Variants in TOP3A observed in about 807,000 individuals in gnomAD.
TOP3A encodes DNA topoisomerase III alpha.
TOP3A carries 64 observed loss-of-function variants against 111.3 expected under a neutral mutation model. That is an observed-to-expected ratio of 0.57 (90% CI 0.47 to 0.71). The LOEUF is 0.71. Among genes scored for constraint, TOP3A ranks in the 30% least tolerant of loss-of-function variants. The probability of loss-of-function intolerance (pLI) is 0.00; values close to 1 mark genes in which losing one functional copy is unlikely to be tolerated. For missense variants in TOP3A, 1,104 were observed against 1,285.0 expected, an observed-to-expected ratio of 0.86 and a Z score of 2.15; for synonymous variants, 484 against 485.1, an observed-to-expected ratio of 1.00 and a Z score of 0.03.
chr17:18,274,935 A>G lies in TOP3A; in HGVS notation c.2873T>C (p.Leu958Pro). 6.2e-7 allele frequency: 1 copy of G among 1,614,084 alleles called. No homozygotes were observed. The highest frequency in any genetic ancestry group is 8.5e-7 in the Non-Finnish European group (1 of 1,180,026). Reference protein sequence around the residue: ...PSWTGDRGRTLESEARSKRPR... With the variant: ...PSWTGDRGRTPESEARSKRPR... ...CCTTTTGCTTCTGGCTTCCGACTCC[A>G]GGGTTCTTCCTCTGTCTCCTGTCCA... Residue 958 changes from leucine to proline, a missense_variant, in exon 19 of 19, where the codon CTG becomes CCG. Physicochemically the swap from Leu to Pro is moderately conservative, Grantham distance 98. Coordinates refer to ENST00000321105, the MANE Select transcript of TOP3A (RefSeq NM_004618.5).
At chr17:18,299,904 T>C (rs565505523) in intron 8 of TOP3A, among the ~76,000 whole-genome samples, 1 of 152,326 alleles carries the variant, frequency 6.6e-6, no homozygotes, top group South Asian at 2.1e-4. Context: ...TCCAACAGCC[T>C]ATGCATCACC....
rs751071439 is a variant in TOP3A, at chr17:18,299,558, C to A, written c.990+1G>T. On this transcript the variant is annotated splice_donor_variant, in intron 9 of 18. Coordinates refer to ENST00000321105, the MANE Select transcript of TOP3A (RefSeq NM_004618.5). LOFTEE classifies it high-confidence loss of function. ...CCTGAAACAGCCTGTCTGGAACATA[C>A]CACAGTGTCCAAGGCTTGAGGCCGC... 3.1e-6 allele frequency: 5 copies of A among 1,613,934 alleles called. No individual in the cohort carries two copies. The highest frequency in any genetic ancestry group is 4.2e-6 in the Non-Finnish European group (5 of 1,179,852).
chr17:18,302,242 T>C, intron 7 of TOP3A, 22 bp downstream of exon 7: 2 of 1,589,984 alleles, frequency 1.3e-6, no homozygotes, highest in Non-Finnish European at 1.7e-6. Flanking sequence ...TCCCAGGCCA[T>C]AACACCCACT....
Position 18,302,405 on chromosome 17 carries a change from G to A in TOP3A, c.673C>T (p.Arg225Trp), listed in dbSNP as rs1401586313. Residue 225 changes from arginine to tryptophan, a missense_variant, in exon 7 of 19, where the codon CGG (arginine) becomes TGG (tryptophan). Arg to Trp is a moderately radical substitution (Grantham distance 101). Coordinates refer to ENST00000321105, the MANE Select transcript of TOP3A (RefSeq NM_004618.5). ...GAAFTRFQTL[R>W]LQRIFPEVLA... is the part of the protein sequence containing the mutation. ...ACCTCAGGAAAAATCCTCTGAAGCC[G>A]CAGGGTCTGGAACCTAGTAAAGGCA... 5.6e-6 allele frequency: 9 copies of A among 1,612,570 alleles called. No homozygotes were observed. The highest frequency in any genetic ancestry group is 2.2e-5 in the East Asian group (1 of 44,878).
intron 13 of TOP3A, among the ~76,000 whole-genome samples, chr17:18,288,151 A>ATTTTT (rs1295233051): frequency 7.9e-6 from 1 of 126,620 alleles, no homozygotes; most frequent in Non-Finnish European, 1.7e-5. Context: ...ATATATATAA[A>ATTTTT]TTTTTTTTTT....
chr17:18,285,254 C>A lies in TOP3A; in HGVS notation c.1765G>T (p.Glu589Ter). The A allele has an allele frequency of 6.2e-7, 1 of 1,614,242 alleles. No individual in the cohort carries two copies. The highest frequency in any genetic ancestry group is 8.5e-7 in the Non-Finnish European group (1 of 1,180,046). Residue 589 changes from glutamate to a stop codon, truncating the protein, a stop_gained, in exon 15 of 19, where the codon GAA becomes TAA. Coordinates refer to ENST00000321105, the MANE Select transcript of TOP3A (RefSeq NM_004618.5). LOFTEE classifies it high-confidence loss of function. ...MSKPDLRAEL[E>*]ADLKLICDGK... ...TCACAGATCAGCTTCAGATCAGCTT[C>A]CAGTTCAGCCCGGAGGTCAGGCTTA...
At chr17:18,307,909 CAAAA>C (rs146925164) in intron 3 of TOP3A, among the ~76,000 whole-genome samples, 3 of 68,404 alleles carry the variant, frequency 4.4e-5, no homozygotes, top group African/African-American at 1.1e-4. Context: ...GACCCTGACT[CAAAA>C]AAAAAAAAAA....
At chr17:18,302,967 G>T (rs1981332976) in intron 5 of TOP3A, 1 of 446,156 alleles carries the variant, frequency 2.2e-6, no homozygotes, top group Non-Finnish European at 4.0e-6. Flanking sequence ...TAGTAACTGT[G>T]GGGAAAAGAG....
rs935674712 is a variant in TOP3A, at chr17:18,299,732, C to T, written c.916-99G>A. On this transcript the variant is annotated intron_variant, in intron 8 of 18. Coordinates refer to ENST00000321105, the MANE Select transcript of TOP3A (RefSeq NM_004618.5). ...TGCCAATCCTTCTAGATCACACTGA[C>T]CACCGCCAGCTAAGCCCGCAGTGAC... The T allele has an allele frequency of 1.2e-5, 13 of 1,125,196 alleles. No individual in the cohort carries two copies. In the Admixed American group the frequency reaches 1.4e-4, roughly 12 times the overall value. 69.7% of individuals were successfully genotyped at this position (1,125,196 alleles called of 1,614,324 possible).
intron 18 of TOP3A, among the ~76,000 whole-genome samples, chr17:18,277,003 G>A (rs868476088): frequency 6.6e-6 from 1 of 152,246 alleles, no homozygotes; most frequent in South Asian, 2.1e-4. Flanking sequence ...AACCAACAGG[G>A]TGAAACCCCC....
rs1244961169 is a variant in TOP3A at position 18,306,900 on chromosome 17, T to A, written c.381A>T (p.Val127=). ...EIEKYCPENF[V]DIKKTLERET... ...TTCCAAAAGACCCTACCTTGATGTCTACAAAATTCTCTGGGCAGTACTTTT... is the reference window on the plus strand; with the variant it reads ...TTCCAAAAGACCCTACCTTGATGTCAACAAAATTCTCTGGGCAGTACTTTT... The change falls in exon 4 of 19, where the codon GTA becomes GTT. Residue 127 remains valine (V), a synonymous_variant. Coordinates refer to ENST00000321105, the MANE Select transcript of TOP3A (RefSeq NM_004618.5). 3 of 1,611,982 alleles carry A rather than the reference T, an allele frequency of 1.9e-6. No individual in the cohort carries two copies. The South Asian group carries it at 3.3e-5, about 18-fold the overall frequency.
At chr17:18,308,753 C>T in intron 2 of TOP3A, 129 bp downstream of exon 2, 2 of 557,342 alleles carry the variant, frequency 3.6e-6, no homozygotes, top group South Asian at 6.5e-5. Flanking sequence ...AGTGATCACC[C>T]CATATCCAGG....
Position 18,282,765 on chromosome 17 carries a change from G to T in TOP3A, c.1954C>A (p.Pro652Thr), listed in dbSNP as rs990998218. 10 of 1,614,012 alleles carry T rather than the reference G, an allele frequency of 6.2e-6. No individual in the cohort carries two copies. The African/African-American group carries it at 1.3e-4, about 22-fold the overall frequency. ...AQQEDIYPAM[P>T]EPIRKCPQCN... The stretch of plus-strand genomic sequence containing the variant: ...TGTGGGCACTTCCTGATGGGCTCTG[G>T]CATGGCTGGGTAGATATCTTCTTGC... The change falls in exon 16 of 19, where the codon CCA (proline) becomes ACA (threonine). Residue 652 changes from proline to threonine, a missense_variant. Physicochemically the swap from Pro to Thr is conservative, Grantham distance 38 (BLOSUM62 -1). Coordinates refer to ENST00000321105, the MANE Select transcript of TOP3A (RefSeq NM_004618.5).
intron 18 of TOP3A, among the ~76,000 whole-genome samples, chr17:18,275,293 C>CCA (rs1979271707): frequency 1.6e-5 from 1 of 60,738 alleles, no homozygotes; most frequent in African/African-American, 6.1e-5. Flanking sequence ...GACCCTGTCT[C>CCA]AAAAAAAAAA....
intron 4 of TOP3A, 49 bp from the exon 5 acceptor site, chr17:18,305,269 G>A: frequency 1.4e-6 from 2 of 1,455,188 alleles, no homozygotes; most frequent in Middle Eastern, 1.7e-4. Context: ...TTGCACAACA[G>A]TGACTTGACA....
chr17:18,299,756 A>G (rs1464106729), intron 8 of TOP3A, 123 bp from the exon 9 acceptor site: 1 of 872,396 alleles, frequency 1.1e-6, no homozygotes, highest in African/African-American at 1.6e-5. Flanking sequence ...GCCCGCAGTG[A>G]CAGCCTAGAA....
At chr17:18,301,121 A>G (rs1981199267) in intron 8 of TOP3A, among the ~76,000 whole-genome samples, 1 of 152,236 alleles carries the variant, frequency 6.6e-6, no homozygotes, top group African/African-American at 2.4e-5. Flanking sequence ...ACAGCCAAGA[A>G]GCACACCATG....
chr17:18,309,007 CT>C, intron 1 of TOP3A, 66 bp from the exon 2 acceptor site: 1 of 864,198 alleles, frequency 1.2e-6, no homozygotes, highest in Non-Finnish European at 1.7e-6. Flanking sequence ...TTGTATAATT[CT>C]TTCTGATCCT....
At chr17:18,298,964 A>T (rs529831496) in intron 9 of TOP3A, among the ~76,000 whole-genome samples, 55 of 151,848 alleles carry the variant, frequency 3.6e-4, no homozygotes, top group South Asian at 6.2e-4. Context: ...ACCTTTGTTC[A>T]CTTGTTTATC....
Sources: allele counts gnomAD v4.1 joint callset (sites outside exome capture counted in the v4.1 genomes callset), GRCh38; gene constraint gnomAD v4.1.1; transcripts MANE v1.5; gene names NCBI Gene and HGNC (gene_info 2026-07-23, HGNC 2026-07-21).